The following BIRC6 variants were observed in gnomAD, a reference collection of about 807,000 sequenced individuals.
The protein encoded by BIRC6 is baculoviral IAP repeat containing 6.
BIRC6 carries 98 observed loss-of-function variants against 503.3 expected under a neutral mutation model. The observed-to-expected ratio is 0.19, with a 90% CI of 0.17 to 0.23. BIRC6 has a LOEUF of 0.23. Ranked by LOEUF, BIRC6 falls within the 10% of genes least tolerant of loss-of-function variation. The pLI is 1.00. For missense variants in BIRC6, 5,360 were observed against 5,806.0 expected (o/e 0.92, Z 2.50); for synonymous variants, 2,240 against 2,078.7 (o/e 1.08, Z -2.11).
intron 65 of BIRC6, among the ~76,000 whole-genome samples, chr2:32,561,396 C>T (rs369336212): frequency 2.0e-4 from 30 of 151,918 alleles, no homozygotes; most frequent in East Asian, 1.4e-3. Context: ...CGTGTCAGCA[C>T]GCCTGGTTAA....
intron 22 of BIRC6, among the ~76,000 whole-genome samples, chr2:32,450,578 G>T (rs958785967): frequency 1.3e-5 from 2 of 152,182 alleles, no homozygotes; most frequent in Non-Finnish European, 2.9e-5. Context: ...GCACAAGACA[G>T]AAATGTAAAT....
intron 1 of BIRC6, among the ~76,000 whole-genome samples, chr2:32,365,582 G>A (rs950386177): frequency 6.6e-6 from 1 of 152,134 alleles, no homozygotes; most frequent in African/African-American, 2.4e-5. Flanking sequence ...GCCTCCCAAA[G>A]TGCTGGGATT....
At chr2:32,477,299 A>G (rs2049875333) in intron 34 of BIRC6, 69 bp from the exon 35 acceptor site, 7 of 1,493,214 alleles carry the variant, frequency 4.7e-6, no homozygotes, top group Non-Finnish European at 6.3e-6. Context: ...TTTTCATTAC[A>G]TAAATCTATA....
At chr2:32,434,332 T>G (rs567035771) in intron 13 of BIRC6, among the ~76,000 whole-genome samples, 1 of 152,336 alleles carries the variant, frequency 6.6e-6, no homozygotes, top group African/African-American at 2.4e-5. Flanking sequence ...TTTAAGAGGC[T>G]GGGGATAATT....
intron 23 of BIRC6, among the ~76,000 whole-genome samples, chr2:32,456,067 TA>T (rs2148683528): frequency 6.6e-6 from 1 of 152,310 alleles, no homozygotes; most frequent in East Asian, 1.9e-4. Context: ...TGATGACCAA[TA>T]AGTAAAGAAA....
At chr2:32,420,006 G>A (rs1163575022) in intron 10 of BIRC6, among the ~76,000 whole-genome samples, 3 of 152,130 alleles carry the variant, frequency 2.0e-5, no homozygotes, top group Admixed American at 6.5e-5. Context: ...TATATTGATT[G>A]ACTTTTGGAT....
At chr2:32,535,315 T>G (rs554908917) in intron 61 of BIRC6, among the ~76,000 whole-genome samples, 44 of 152,068 alleles carry the variant, frequency 2.9e-4, no homozygotes, top group Non-Finnish European at 5.7e-4. Context: ...TTTATTTTAT[T>G]TTTTAAATTA....
At chr2:32,399,190 A>C (rs2040323942) in intron 6 of BIRC6, among the ~76,000 whole-genome samples, 1 of 151,828 alleles carries the variant, frequency 6.6e-6, no homozygotes, top group Admixed American at 6.6e-5. Context: ...GGTTCAAGAG[A>C]GTCTCGTGCC....
chr2:32,531,701 A>C, intron 61 of BIRC6, 150 bp downstream of exon 61: 2 of 720,120 alleles, frequency 2.8e-6, no homozygotes, highest in Non-Finnish European at 4.4e-6. Flanking sequence ...TTCAATGGTC[A>C]GTCTGTACAG....
rs115634687 is a variant in BIRC6 at position 32,492,274 on chromosome 2, T to C, written c.8340+716T>C. Among the ~76,000 whole-genome samples the C allele has an allele frequency of 8.6e-3, 1,312 of 152,240 alleles. 10 individuals carry two copies. The highest frequency in any genetic ancestry group is 0.014 in the Non-Finnish European group (975 of 67,940). ...TTATTCAGTGTTTAGGAGGCTTCTG[T>C]GTGCTTGTTCTAGGTACTAGACATA... On this transcript the variant is annotated intron_variant, in intron 44 of 73. Coordinates refer to ENST00000421745, the MANE Select transcript of BIRC6 (RefSeq NM_016252.4).
intron 65 of BIRC6, among the ~76,000 whole-genome samples, chr2:32,568,377 C>T (rs1185331508): frequency 6.7e-6 from 1 of 149,282 alleles, no homozygotes; most frequent in Non-Finnish European, 1.5e-5. Context: ...CCTGTAATCC[C>T]AGCTGCTCTG....
rs1161305122 is a variant in BIRC6 at position 32,467,980 on chromosome 2, C to T, written c.5649C>T (p.Tyr1883=). ...IPLGFYYGHT[Y]ILPWESELKL... is the part of the protein sequence containing the mutation. ...TAGGATTTTACTATGGTCATACCTA[C>T]ATCTTGCCTTGGGAAAGTGAACTGA... Residue 1883 remains tyrosine, a synonymous_variant, in exon 28 of 74, where the codon TAC becomes TAT. Transcript: ENST00000421745. 1.2e-6 allele frequency: 2 copies of T among 1,613,756 alleles called. No homozygotes were observed. Among genetic ancestry groups the T allele is most frequent in the Admixed American group, 1.7e-5 (1 of 59,992 alleles).
intron 58 of BIRC6, 124 bp downstream of exon 58, chr2:32,525,143 T>G (rs940980498): frequency 4.6e-6 from 4 of 864,316 alleles, no homozygotes; most frequent in Non-Finnish European, 6.6e-6. Flanking sequence ...TAATGATGTT[T>G]TAATACTAGA....
In BIRC6 at chr2:32,524,870, G is replaced by T; in HGVS notation, c.11624-18G>T. Reference sequence around the variant, plus strand: ...TGATTTGGAAAAGCAGTGTATTTTAGATAATATCTTCTTACAGATACTCCA... The same window carrying T: ...TGATTTGGAAAAGCAGTGTATTTTATATAATATCTTCTTACAGATACTCCA... On this transcript the variant is annotated intron_variant, in intron 57 of 73. Transcript: ENST00000421745. 1 of 1,387,570 alleles carries T rather than the reference G, an allele frequency of 7.2e-7. No individual in the cohort carries two copies. The allele number at this position is 1,387,570 out of a possible 1,614,324, so 86.0% of individuals were successfully genotyped here.
chr2:32,518,985 T>C lies in BIRC6; in HGVS notation c.11623+39T>C, dbSNP rs764407792. The C allele has an allele frequency of 2.1e-5, 33 of 1,577,584 alleles. No homozygotes were observed. In the South Asian group the frequency reaches 3.7e-4, roughly 18 times the overall value. ...AAGTATTAGTTTTTGTTTAACTTTA[T>C]GTTTGATGTATATGGAGGTTTATTG... is the stretch of plus-strand genomic sequence containing the variant. On this transcript the variant is annotated intron_variant, in intron 57 of 73. Transcript: ENST00000421745.
intron 26 of BIRC6, 44 bp downstream of exon 26, chr2:32,465,208 TAGTC>T: frequency 9.9e-7 from 1 of 1,009,562 alleles, no homozygotes; most frequent in South Asian, 1.9e-5. Flanking sequence ...TTTTTTTGCT[TAGTC>T]TGCCGGCCTT....
intron 61 of BIRC6, among the ~76,000 whole-genome samples, chr2:32,542,781 G>A (rs774439447): frequency 1.3e-5 from 2 of 152,158 alleles, no homozygotes; most frequent in Non-Finnish European, 2.9e-5. Flanking sequence ...TGTCATGTGC[G>A]TCTTGATGTT....
intron 10 of BIRC6, among the ~76,000 whole-genome samples, chr2:32,424,775 C>CT (rs1428098074): frequency 1.4e-4 from 22 of 152,142 alleles, no homozygotes; most frequent in Admixed American, 1.2e-3. Context: ...GCCCACCCAA[C>CT]GTGCTGGGAT....
Position 32,415,383 on chromosome 2 carries a change from C to A in BIRC6, c.2092C>A (p.Leu698Ile). The A allele has an allele frequency of 6.2e-7, 1 of 1,614,050 alleles. No individual in the cohort carries two copies. Residue 698 changes from leucine (L) to isoleucine (I), a missense_variant, in exon 10 of 74, where the codon CTT becomes ATT. Coordinates refer to ENST00000421745, the MANE Select transcript of BIRC6 (RefSeq NM_016252.4). ...IQQFADAAAN[L>I]TSPDSEKWNS... is the part of the protein sequence containing the mutation. ...GCAATTTGCAGATGCAGCAGCCAACCTTACCTCTCCGGATTCTGAGAAGTG... is the reference window on the plus strand; with the variant it reads ...GCAATTTGCAGATGCAGCAGCCAACATTACCTCTCCGGATTCTGAGAAGTG...
Sources: gnomAD v4.1 joint callset for allele counts (sites outside exome capture counted in the v4.1 genomes callset) on GRCh38, gnomAD v4.1.1 for gene constraint, MANE v1.5 for transcripts, NCBI Gene and HGNC (gene_info 2026-07-23, HGNC 2026-07-21) for gene names.